The following D2HGDH variants were observed in gnomAD, a reference collection of about 807,000 sequenced individuals.
D2HGDH encodes the protein D-2-hydroxyglutarate dehydrogenase, also known as D-2-hydroxyglutarate dehydrogenase, mitochondrial.
D2HGDH carries 31 observed loss-of-function variants against 46.9 expected under a neutral mutation model. That is an observed-to-expected ratio of 0.66 (90% CI 0.50 to 0.89). The LOEUF (loss-of-function observed/expected upper bound fraction) is 0.89. D2HGDH is among the 40% of genes least tolerant of loss of function. The pLI is 0.00. For missense variants in D2HGDH, 698 were observed against 720.8 expected (o/e 0.97, Z 0.36); for synonymous variants, 364 against 332.6 (o/e 1.09, Z -1.03).
In D2HGDH at chr2:241,750,141, C is replaced by T. The variant is rs1696883428; in HGVS notation, c.854-10C>T. ...CCGTGTGGTGCTTGACATGCTGTGACCCGTTTCAGGCTGCCCAGGCTTTGC... is the reference window on the plus strand; with the variant it reads ...CCGTGTGGTGCTTGACATGCTGTGATCCGTTTCAGGCTGCCCAGGCTTTGC... On this transcript the variant is annotated splice_polypyrimidine_tract_variant and intron_variant, in intron 6 of 9. Coordinates refer to ENST00000321264, the MANE Select transcript of D2HGDH (RefSeq NM_152783.5). 1.2e-6 allele frequency: 2 copies of T among 1,613,770 alleles called. No homozygotes were observed. Among genetic ancestry groups the T allele is most frequent in the Non-Finnish European group, 1.7e-6 (2 of 1,180,026 alleles).
chr2:241,752,186 T>TC (rs1559383375), intron 8 of D2HGDH, among the ~76,000 whole-genome samples: 1 of 152,066 alleles, frequency 6.6e-6, no homozygotes, highest in Non-Finnish European at 1.5e-5. Flanking sequence ...CTTGCCATCT[T>TC]CCCCCCTCAC....
Position 241,743,928 on chromosome 2 carries a change from G to T in D2HGDH, c.684+113G>T, listed in dbSNP as rs1695184530. ...GGGGCCCCTCGGGGTGGGAGGTCTT[G>T]GTTCCTGGCCCTGGGCCCCTCAAGG... On this transcript the variant is annotated intron_variant, in intron 5 of 9. Transcript: ENST00000321264. This position sits in a 1 kb window ranked among gnomAD's most constrained non-coding sequence, Gnocchi z 4.8. 2 of 1,239,776 alleles carry T rather than the reference G, an allele frequency of 1.6e-6. No individual in the cohort carries two copies. The highest frequency in any genetic ancestry group is 2.3e-6 in the Non-Finnish European group (2 of 883,638). 76.8% of individuals were successfully genotyped at this position (1,239,776 alleles called of 1,614,324 possible). A position where few individuals can be genotyped will look rare whatever the true frequency, so the allele number is the denominator to read the frequency against.
At chr2:241,750,398 C>A in intron 7 of D2HGDH, 104 bp downstream of exon 7, 1 of 171,724 alleles carries the variant, frequency 5.8e-6, no homozygotes, top group Non-Finnish European at 9.9e-6. Context: ...GGTGCCCGGG[C>A]GGGCGGGTGG....
At position 241,756,097 on chromosome 2, in the gene D2HGDH, C is replaced by G. The variant is rs1336557875; in HGVS notation, c.1306+83C>G. 6 of 1,490,694 alleles carry G rather than the reference C, an allele frequency of 4.0e-6. No homozygotes were observed. In the African/African-American group the frequency reaches 8.3e-5, roughly 21 times the overall value. The allele number at this position is 1,490,694 out of a possible 1,614,324, so 92.3% of individuals were successfully genotyped here. On this transcript the variant is annotated intron_variant, in intron 9 of 9. Transcript: ENST00000321264. ...ACCGTCACCCTGCCAGGCTTCGAGG[C>G]AGGGCAGTTTGACCATGGTCTCTGG...
intron 2 of D2HGDH, among the ~76,000 whole-genome samples, chr2:241,737,554 A>G (rs747422989): frequency 3.0e-4 from 46 of 151,882 alleles, no homozygotes; most frequent in Admixed American, 9.8e-4. Context: ...CAGTGGCACG[A>G]TCTCCCCTTA....
In D2HGDH at chr2:241,741,059, C is replaced by T. The variant is rs760624454; in HGVS notation, c.319C>T (p.Arg107Trp). ...RGCSKVLLRP[R>W]TSEEVSHILR... ...CTGTAGCAAGGTGCTGCTGAGGCCA[C>T]GGACGTCGGAGGAGGTGTCCCACAT... The change falls in exon 3 of 10, where the codon CGG (arginine) becomes TGG (tryptophan). Residue 107 changes from arginine (R) to tryptophan (W), a missense_variant. Arg to Trp is a moderately radical substitution (Grantham distance 101). Coordinates refer to ENST00000321264, the MANE Select transcript of D2HGDH (RefSeq NM_152783.5). The T allele has an allele frequency of 1.5e-5, 24 of 1,614,022 alleles. No homozygotes were observed. Among genetic ancestry groups the T allele is most frequent in the East Asian group, 8.9e-5 (4 of 44,868 alleles).
intron 8 of D2HGDH, chr2:241,755,411 C>G (rs1460341965): frequency 7.7e-7 from 1 of 1,306,920 alleles, no homozygotes; most frequent in East Asian, 5.5e-5. Context: ...CGTCCAGGCC[C>G]ATTCTCATCC....
chr2:241,735,195 GAGGAGCC>G lies in D2HGDH; in HGVS notation c.-29_-23del. ...CCCTGAGTACCGGCCCCCCACCAAGGAGGAGCCCGAGGTCTCCGTCCCGGCGGCGATG... is the reference window on the plus strand; with the variant it reads ...CCCTGAGTACCGGCCCCCCACCAAGGCGAGGTCTCCGTCCCGGCGGCGATG... On this transcript the variant is annotated 5_prime_UTR_variant, in exon 2 of 10. Coordinates refer to ENST00000321264, the MANE Select transcript of D2HGDH (RefSeq NM_152783.5). The G allele has an allele frequency of 6.7e-7, 1 of 1,498,004 alleles. No individual in the cohort carries two copies. The highest frequency in any genetic ancestry group is 8.8e-7 in the Non-Finnish European group (1 of 1,132,584). 92.8% of individuals were successfully genotyped at this position (1,498,004 alleles called of 1,614,324 possible).
intron 8 of D2HGDH, among the ~76,000 whole-genome samples, chr2:241,751,679 G>A (rs189364238): frequency 6.6e-6 from 1 of 152,396 alleles, no homozygotes; most frequent in East Asian, 1.9e-4. Context: ...CCTGCAGCCT[G>A]TGGTTAAGCG....
At chr2:241,756,905 G>T (rs1173185975) in intron 9 of D2HGDH, among the ~76,000 whole-genome samples, 3 of 152,130 alleles carry the variant, frequency 2.0e-5, no homozygotes, top group Non-Finnish European at 4.4e-5. Flanking sequence ...AGTGCTGGGG[G>T]TGTGGAGCAT....
chr2:241,765,153 C>T (rs1370412306), intron 9 of D2HGDH, among the ~76,000 whole-genome samples: 9 of 152,212 alleles, frequency 5.9e-5, no homozygotes, highest in Admixed American at 3.3e-4. Flanking sequence ...CCCCTCCATC[C>T]GACCAGGTGC....
At chr2:241,749,012 AG>A in intron 6 of D2HGDH, 2 of 1,115,022 alleles carry the variant, frequency 1.8e-6, no homozygotes, top group Non-Finnish European at 2.2e-6. Context: ...AGGCCCTGTG[AG>A]GATGGTCCTG....
Position 241,739,372 on chromosome 2 carries a change from C to T in D2HGDH, c.293-1661C>T, listed in dbSNP as rs189603765. Among the ~76,000 whole-genome samples, 58 of 152,292 alleles carry T rather than the reference C, an allele frequency of 3.8e-4. 1 individual carries two copies. The East Asian group carries it at 0.01, about 26-fold the overall frequency. On this transcript the variant is annotated intron_variant, in intron 2 of 9. Transcript: ENST00000321264. Reference sequence around the variant, plus strand: ...CTCCTGAGCCCACTCGGGACAGGGACGCAGTGAGCGCAGGTGCCAGGGTTC... The same window carrying T: ...CTCCTGAGCCCACTCGGGACAGGGATGCAGTGAGCGCAGGTGCCAGGGTTC...
intron 7 of D2HGDH, 112 bp downstream of exon 7, chr2:241,750,406 T>TGGGGGGGGGGGCCCCGGGGGGGGGGGGG: frequency 5.7e-6 from 1 of 175,274 alleles, no homozygotes; most frequent in Non-Finnish European, 1.1e-5. Context: ...GGCGGGCGGG[T>TGGGGGGGGGGGCCCCGGGGGGGGGGGGG]GGGGGGTCCC....
intron 9 of D2HGDH, among the ~76,000 whole-genome samples, chr2:241,758,767 A>ATGTG (rs768590214): frequency 0.069 from 7,264 of 105,432 alleles, 298 homozygotes; most frequent in African/African-American, 0.14. Flanking sequence ...GCCCCACAAT[A>ATGTG]TATGTGTGTG....
intron 2 of D2HGDH, among the ~76,000 whole-genome samples, chr2:241,739,404 G>A (rs1693820010): frequency 6.6e-6 from 1 of 152,256 alleles, no homozygotes; most frequent in Non-Finnish European, 1.5e-5. Flanking sequence ...GTTCCCTCAG[G>A]TGCCGCACTG....
At chr2:241,740,527 T>A (rs976929175) in intron 2 of D2HGDH, among the ~76,000 whole-genome samples, 1 of 152,206 alleles carries the variant, frequency 6.6e-6, no homozygotes, top group Non-Finnish European at 1.5e-5. Context: ...GGACCTAGTT[T>A]TGGTTTTTTT....
At chr2:241,760,713 C>T (rs1326576853) in intron 9 of D2HGDH, among the ~76,000 whole-genome samples, 9 of 152,258 alleles carry the variant, frequency 5.9e-5, no homozygotes, top group African/African-American at 1.4e-4. Context: ...CCCAATCAGT[C>T]GAAGGCCACA....
At chr2:241,734,980 C>A in intron 1 of D2HGDH, 153 bp from the exon 2 acceptor site, 1 of 512,316 alleles carries the variant, frequency 2.0e-6, no homozygotes, top group East Asian at 3.5e-5. Flanking sequence ...CGTGGGGCTT[C>A]GCGCGCTCGC....
Sources: gnomAD v4.1 joint callset for allele counts (sites outside exome capture counted in the v4.1 genomes callset) on GRCh38, gnomAD v4.1.1 for gene constraint, Gnocchi (gnomAD v3.1) non-coding constraint, MANE v1.5 for transcripts, NCBI Gene and HGNC (gene_info 2026-07-23, HGNC 2026-07-21) for gene names.